Variants in ALS2 observed in about 807,000 individuals in gnomAD.
ALS2 encodes alsin Rho guanine nucleotide exchange factor ALS2, also known as alsin.
Under a neutral mutation model 203.4 loss-of-function variants are expected in ALS2, and 117 were observed. The observed-to-expected ratio is 0.58, with a 90% CI of 0.50 to 0.67. The LOEUF is 0.67. Among genes scored for constraint, ALS2 ranks in the 30% least tolerant of loss-of-function variants. The pLI is 0.00. For synonymous variants in ALS2, 718 were observed against 725.9 expected, an observed-to-expected ratio of 0.99 and a Z score of 0.17; for missense variants, 1,715 against 1,989.4, an observed-to-expected ratio of 0.86 and a Z score of 2.62.
At chr2:201,779,343 G>A (rs1396398673) in intron 1 of ALS2, among the ~76,000 whole-genome samples, 1 of 152,052 alleles carries the variant, frequency 6.6e-6, no homozygotes, top group Non-Finnish European at 1.5e-5. Flanking sequence ...CAACTTTGAC[G>A]TTTTCTTGCT....
intron 1 of ALS2, among the ~76,000 whole-genome samples, chr2:201,776,661 A>G (rs973415960): frequency 6.6e-6 from 1 of 151,974 alleles, no homozygotes; most frequent in Non-Finnish European, 1.5e-5. Context: ...AATGGCCACA[A>G]TTTTTTCAAA....
chr2:201,713,370 C>T (rs866410740), intron 25 of ALS2, among the ~76,000 whole-genome samples: 3 of 152,106 alleles, frequency 2.0e-5, no homozygotes, highest in African/African-American at 7.2e-5. Flanking sequence ...GATCTGCCTG[C>T]CTCAGCCTCC....
Position 201,726,758 on chromosome 2 carries a change from T to C in ALS2, c.3088A>G (p.Ile1030Val). The C allele has an allele frequency of 6.2e-7, 1 of 1,614,148 alleles. No individual in the cohort carries two copies. Among genetic ancestry groups the C allele is most frequent in the Non-Finnish European group, 8.5e-7 (1 of 1,180,026 alleles). ...GSSVQRQEPP[I>V]SRSAKYTFYK... ...AAAGTATATTTGGCACTGCGTGAAA[T>C]GGGTGGTTCCTGTCTCTGAACACTG... The change falls in exon 18 of 34, where the codon ATT becomes GTT. Residue 1030 changes from isoleucine (I) to valine (V), a missense_variant. Ile to Val is a conservative substitution (Grantham distance 29, BLOSUM62 3). This residue lies in a region of ALS2 where 1,227 missense variants were observed against 1,413.5 expected (regional missense o/e 0.87). Transcript: ENST00000264276.
chr2:201,743,876 G>C (rs1158658629), intron 10 of ALS2, among the ~76,000 whole-genome samples: 2 of 152,120 alleles, frequency 1.3e-5, no homozygotes, highest in Non-Finnish European at 2.9e-5. Flanking sequence ...ACTATAATGA[G>C]GAAAATAAAA....
intron 12 of ALS2, 137 bp downstream of exon 12, chr2:201,738,533 C>A: frequency 1.2e-6 from 1 of 819,462 alleles, no homozygotes. Flanking sequence ...CTTTATAAGA[C>A]TTACTGAAAG....
At position 201,724,448 on chromosome 2, in the gene ALS2, C is replaced by A; in HGVS notation, c.3359G>T (p.Gly1120Val). 6.2e-7 allele frequency: 1 copy of A among 1,614,008 alleles called. No individual in the cohort carries two copies. Among genetic ancestry groups the A allele is most frequent in the Non-Finnish European group, 8.5e-7 (1 of 1,179,922 alleles). The change falls in exon 21 of 34, where the codon GGT becomes GTT. Residue 1120 changes from glycine to valine, a missense_variant. Physicochemically the swap from Gly to Val is moderately radical, Grantham distance 109 (BLOSUM62 -3). Around this residue, in one of 3 missense-constraint regions of ALS2, gnomAD observed 1,227 missense variants for 1,413.5 expected, o/e 0.87. Coordinates refer to ENST00000264276, the MANE Select transcript of ALS2 (RefSeq NM_020919.4). ...CGQGVYSYASGEVFEGCFQDN... is the reference protein window; with the variant it reads ...CGQGVYSYASVEVFEGCFQDN... ...TTGAAAACAGCCCTCAAATACTTCA[C>A]CAGAAGCATAGCTGTGGTTGGAAAG...
Position 201,749,909 on chromosome 2 carries a change from T to G in ALS2, c.1738-120A>C, listed in dbSNP as rs41308828. 0.091 allele frequency: 70,875 copies of G among 775,530 alleles called. 3,929 individuals carry two copies. Among genetic ancestry groups the G allele is most frequent in the Non-Finnish European group, 0.12 (51,132 of 443,786 alleles). 48.0% of individuals were successfully genotyped at this position (775,530 alleles called of 1,614,324 possible). ...TACCAACAATTATACATTAAGTACT[T>G]ATATTAGTCTTTCACTCTTTAACAG... On this transcript the variant is annotated intron_variant, in intron 7 of 33. Transcript: ENST00000264276.
Position 201,729,034 on chromosome 2 carries a change from A to G in ALS2, c.2712+18T>C, listed in dbSNP as rs760523647. 6.2e-7 allele frequency: 1 copy of G among 1,614,126 alleles called. No homozygotes were observed. The highest frequency in any genetic ancestry group is 1.1e-5 in the South Asian group (1 of 91,086). ...TTGCTGTTTGCTAGGGTAACAAATGACAACTGGCATGGCTTACCGTCATTT... is the reference window on the plus strand; with the variant it reads ...TTGCTGTTTGCTAGGGTAACAAATGGCAACTGGCATGGCTTACCGTCATTT... On this transcript the variant is annotated intron_variant, in intron 14 of 33. Transcript: ENST00000264276.
chr2:201,700,468 T>C lies in ALS2; in HGVS notation c.*1383A>G, dbSNP rs1689317623. ...ATACTTAGAGGCATGGATTACAATG[T>C]GGGCTAAAGAAATACTAAGTCTGGG... On this transcript the variant is annotated 3_prime_UTR_variant, in exon 34 of 34. Coordinates refer to ENST00000264276, the MANE Select transcript of ALS2 (RefSeq NM_020919.4). 6.6e-6 allele frequency: 1 copy of C among 152,636 alleles called. No homozygotes were observed. The highest frequency in any genetic ancestry group is 1.5e-5 in the Non-Finnish European group (1 of 68,036). 9.5% of individuals were successfully genotyped at this position (152,636 alleles called of 1,614,324 possible).
intron 23 of ALS2, chr2:201,721,917 C>A (rs910908827): frequency 6.6e-6 from 1 of 152,156 alleles, no homozygotes. Flanking sequence ...CCTGCCTTGG[C>A]CTCCCAAAGT....
chr2:201,745,399 C>T (rs1692563893), intron 9 of ALS2, among the ~76,000 whole-genome samples: 1 of 151,740 alleles, frequency 6.6e-6, no homozygotes, highest in Non-Finnish European at 1.5e-5. Flanking sequence ...TCATAACTTA[C>T]TAGCCAGAAA....
chr2:201,706,821 T>G (rs1041296534), intron 29 of ALS2, 25 bp downstream of exon 29: 1 of 1,613,548 alleles, frequency 6.2e-7, no homozygotes, highest in South Asian at 1.1e-5. Context: ...AACCATTTGG[T>G]TGCGCTTGTA....
intron 3 of ALS2, chr2:201,765,842 T>C (rs1226502836): frequency 1.8e-5 from 3 of 167,014 alleles, no homozygotes; most frequent in African/African-American, 7.2e-5. Context: ...AAAAAAAAAT[T>C]ATATTGAGAA....
At chr2:201,774,510 C>CT (rs1220056988) in intron 1 of ALS2, among the ~76,000 whole-genome samples, 1 of 152,194 alleles carries the variant, frequency 6.6e-6, no homozygotes, top group South Asian at 2.1e-4. Context: ...GCTTTAAATC[C>CT]TTTTGGGAAG....
chr2:201,768,765 A>T, intron 2 of ALS2, 101 bp downstream of exon 2: 1 of 1,180,460 alleles, frequency 8.5e-7, no homozygotes, highest in Non-Finnish European at 1.3e-6. Flanking sequence ...CCACTTAACA[A>T]CCATCAACAA....
intron 1 of ALS2, among the ~76,000 whole-genome samples, chr2:201,778,848 T>C (rs536140090): frequency 3.9e-5 from 6 of 152,304 alleles, no homozygotes; most frequent in South Asian, 4.1e-4. Flanking sequence ...AGGTACCTCA[T>C]AGTACCCAAA....
chr2:201,705,598 A>C, intron 29 of ALS2, 137 bp from the exon 30 acceptor site: 1 of 682,060 alleles, frequency 1.5e-6, no homozygotes, highest in Non-Finnish European at 2.6e-6. Flanking sequence ...AGTTTTTATA[A>C]ACATTCCAGA....
intron 3 of ALS2, among the ~76,000 whole-genome samples, chr2:201,763,744 T>C (rs1574792760): frequency 6.6e-6 from 1 of 152,314 alleles, no homozygotes; most frequent in South Asian, 2.1e-4. Context: ...AAATAACTCA[T>C]GTATGTCCAG....
chr2:201,772,418 T>C (rs1694437933), intron 1 of ALS2, among the ~76,000 whole-genome samples: 1 of 152,246 alleles, frequency 6.6e-6, no homozygotes, highest in South Asian at 2.1e-4. Context: ...ATAACACTTT[T>C]GGTGGCAAAA....
Sources: gnomAD v4.1 joint callset for allele counts (sites outside exome capture counted in the v4.1 genomes callset) on GRCh38, gnomAD v4.1.1 for gene constraint, gnomAD v4.1.1 regional missense constraint, MANE v1.5 for transcripts, NCBI Gene and HGNC (gene_info 2026-07-23, HGNC 2026-07-21) for gene names.